Variants in ERG observed in about 807,000 individuals in gnomAD.
ERG encodes transcriptional regulator ERG.
A neutral mutation model predicts 55.3 loss-of-function variants in ERG; 9 were observed. The ratio of observed to expected loss-of-function variants is 0.16; its 90% CI spans 0.10 to 0.28. ERG has a LOEUF of 0.28. Ranked by LOEUF, ERG falls within the 10% of genes least tolerant of loss-of-function variation. The pLI is 1.00. For missense variants in ERG, 434 were observed against 631.6 expected (o/e 0.69, Z 3.35); for synonymous variants, 223 against 237.3 (o/e 0.94, Z 0.55).
At chr21:38,604,003 C>T (rs1006750076) in intron 1 of ERG, among the ~76,000 whole-genome samples, 4 of 152,034 alleles carry the variant, frequency 2.6e-5, no homozygotes, top group Admixed American at 6.6e-5. Context: ...AATCCCAGCC[C>T]TTCAGGGGGC....
At chr21:38,417,570 T>C (rs927223807) in intron 3 of ERG, among the ~76,000 whole-genome samples, 2 of 152,036 alleles carry the variant, frequency 1.3e-5, no homozygotes, top group African/African-American at 2.4e-5. Context: ...GGGTGGATCA[T>C]CTGAGGTCAG....
At chr21:38,610,525 G>GCA (rs202142098) in intron 1 of ERG, among the ~76,000 whole-genome samples, 1 of 114,460 alleles carries the variant, frequency 8.7e-6, no homozygotes, top group East Asian at 3.7e-4. Context: ...GCGCGCACGC[G>GCA]CGTGTGTGTG....
chr21:38,426,310 T>C (rs368062958), intron 2 of ERG, among the ~76,000 whole-genome samples: 3 of 152,224 alleles, frequency 2.0e-5, no homozygotes, highest in African/African-American at 7.2e-5. Context: ...GTGTCTTCAC[T>C]TAGACTGAGT....
the ERG span, among the ~76,000 whole-genome samples, chr21:38,368,240 T>TTTTG: frequency 6.6e-6 from 1 of 152,162 alleles, no homozygotes; most frequent in Admixed American, 6.5e-5. Flanking sequence ...TTCCTCGTTT[T>TTTTG]TTTGTTTGTT....
At chr21:38,515,858 A>G (rs1009556706) in intron 2 of ERG, among the ~76,000 whole-genome samples, 1 of 152,082 alleles carries the variant, frequency 6.6e-6, no homozygotes, top group African/African-American at 2.4e-5. Flanking sequence ...ATGATACATC[A>G]CATCAATAGA....
chr21:38,450,526 T>C (rs954932476), intron 1 of ERG, among the ~76,000 whole-genome samples: 1 of 152,228 alleles, frequency 6.6e-6, no homozygotes, highest in African/African-American at 2.4e-5. Context: ...TTTAATCCCA[T>C]TACAATCCAA....
chr21:38,493,129 C>A (rs2059350500), intron 1 of ERG, among the ~76,000 whole-genome samples: 1 of 152,054 alleles, frequency 6.6e-6, no homozygotes, highest in Admixed American at 6.6e-5. Context: ...AATATATATA[C>A]CCATTGGCTC....
intron 1 of ERG, among the ~76,000 whole-genome samples, chr21:38,593,906 T>G (rs901381805): frequency 6.6e-6 from 1 of 152,120 alleles, no homozygotes; most frequent in Non-Finnish European, 1.5e-5. Flanking sequence ...GAGAGGCAGA[T>G]AGAGGTGAGA....
chr21:38,580,490 AC>A (rs1376177445), intron 1 of ERG, among the ~76,000 whole-genome samples: 2 of 151,970 alleles, frequency 1.3e-5, no homozygotes, highest in African/African-American at 4.8e-5. Flanking sequence ...CTGCCTTTGA[AC>A]CCTTGCAGAA....
At chr21:38,423,031 A>G (rs1270615262) in intron 3 of ERG, among the ~76,000 whole-genome samples, 1 of 151,502 alleles carries the variant, frequency 6.6e-6, no homozygotes, top group African/African-American at 2.4e-5. Flanking sequence ...GCACACAAGC[A>G]AGGCTGCATG....
chr21:38,443,784 A>G, intron 2 of ERG, among the ~76,000 whole-genome samples: 1 of 151,106 alleles, frequency 6.6e-6, no homozygotes, highest in East Asian at 2.0e-4. Flanking sequence ...AAAAATATTT[A>G]CATGTAATCA....
intron 1 of ERG, among the ~76,000 whole-genome samples, chr21:38,479,968 C>G (rs943507003): frequency 6.6e-6 from 1 of 152,204 alleles, no homozygotes; most frequent in Non-Finnish European, 1.5e-5. Flanking sequence ...TTAACATACC[C>G]GGAATTGCCA....
rs188918116 is a variant in ERG, at chr21:38,391,546, C to T, written c.871+113G>A. On this transcript the variant is annotated intron_variant, in intron 8 of 9. Transcript: ENST00000288319. Reference sequence around the variant, plus strand: ...GGCCCTATCTTATGTATGGAGCTGTCGAAAAGAGGCAAACAATCATGTTAA... The same window carrying T: ...GGCCCTATCTTATGTATGGAGCTGTTGAAAAGAGGCAAACAATCATGTTAA... 1,276 of 910,518 alleles carry T rather than the reference C, an allele frequency of 1.4e-3. 5 individuals carry two copies. The highest frequency in any genetic ancestry group is 1.9e-3 in the South Asian group (114 of 60,698). 56.4% of individuals were successfully genotyped at this position (910,518 alleles called of 1,614,324 possible). A position where few individuals can be genotyped will look rare whatever the true frequency, so the allele number is the denominator to read the frequency against.
intron 1 of ERG, among the ~76,000 whole-genome samples, chr21:38,595,959 G>A (rs1358666054): frequency 1.3e-5 from 2 of 150,250 alleles, no homozygotes; most frequent in African/African-American, 2.5e-5. Flanking sequence ...GCACAATTAA[G>A]TACCAGAATT....
chr21:38,652,233 A>G (rs972725664), intron 1 of ERG, among the ~76,000 whole-genome samples: 2 of 151,726 alleles, frequency 1.3e-5, no homozygotes, highest in Admixed American at 1.3e-4. Context: ...CCTCCCGCCC[A>G]CTGCTATCTC....
intron 2 of ERG, among the ~76,000 whole-genome samples, chr21:38,550,511 G>A (rs1385267001): frequency 6.6e-6 from 1 of 152,168 alleles, no homozygotes; most frequent in East Asian, 1.9e-4. Flanking sequence ...GGACCCCAGG[G>A]AGATTCCCTC....
chr21:38,592,943 C>T (rs13051259), intron 1 of ERG, among the ~76,000 whole-genome samples: 60,351 of 151,716 alleles, frequency 0.4, 12,676 homozygotes, highest in Middle Eastern at 0.55. Flanking sequence ...CTCCCCAGTG[C>T]GTCTTCCCAT....
At chr21:38,483,388 A>G (rs2059255053) in intron 1 of ERG, among the ~76,000 whole-genome samples, 1 of 152,208 alleles carries the variant, frequency 6.6e-6, no homozygotes, top group African/African-American at 2.4e-5. Flanking sequence ...GTATATCAAA[A>G]CATCATGTTG....
At chr21:38,661,593 C>T (rs1447830940) in intron 1 of ERG, 1 of 152,246 alleles carries the variant, frequency 6.6e-6, no homozygotes, top group East Asian at 1.9e-4. Flanking sequence ...CTCCGGGGCT[C>T]GGGGCTAAGC....
Sources: gnomAD v4.1 joint callset for allele counts (sites outside exome capture counted in the v4.1 genomes callset) on GRCh38, gnomAD v4.1.1 for gene constraint, MANE v1.5 for transcripts, NCBI Gene and HGNC (gene_info 2026-07-23, HGNC 2026-07-21) for gene names.